COL24A1: variants seen among roughly 807,000 people sequenced by gnomAD.
The protein encoded by COL24A1 is collagen type XXIV alpha 1 chain.
In COL24A1, 224 loss-of-function variants were observed where a neutral mutation model predicts 253.9. The observed-to-expected ratio is 0.88, with a 90% CI of 0.79 to 0.99. The LOEUF is 0.99. COL24A1 is among the 50% of genes least tolerant of loss of function. The pLI is 0.00. For synonymous variants in COL24A1, 685 were observed against 673.7 expected (o/e 1.02, Z -0.26); for missense variants, 2,131 against 2,068.5 (o/e 1.03, Z -0.59).
intron 20 of COL24A1, among the ~76,000 whole-genome samples, chr1:85,985,044 T>C (rs1039870576): frequency 2.0e-5 from 3 of 151,950 alleles, no homozygotes; most frequent in African/African-American, 4.8e-5. Flanking sequence ...TTATGATGTA[T>C]ATAAAATCAA....
At chr1:85,806,146 T>A (rs533783758) in intron 47 of COL24A1, among the ~76,000 whole-genome samples, 178 of 151,644 alleles carry the variant, frequency 1.2e-3, no homozygotes, top group African/African-American at 4.2e-3. Flanking sequence ...ACTAAAATGA[T>A]AAGATACAAA....
At chr1:86,142,379 T>C (rs1377023468) in intron 2 of COL24A1, among the ~76,000 whole-genome samples, 5 of 151,370 alleles carry the variant, frequency 3.3e-5, no homozygotes, top group Non-Finnish European at 4.4e-5. Context: ...AAAAATTAGC[T>C]GGGCGTGGTG....
At chr1:86,134,070 C>T (rs887004670) in intron 2 of COL24A1, among the ~76,000 whole-genome samples, 1 of 151,940 alleles carries the variant, frequency 6.6e-6, no homozygotes, top group Non-Finnish European at 1.5e-5. Flanking sequence ...TTCCTGCTTT[C>T]GTCTTGGGAG....
At chr1:85,885,836 G>C (rs1462070096) in intron 32 of COL24A1, among the ~76,000 whole-genome samples, 1 of 152,078 alleles carries the variant, frequency 6.6e-6, no homozygotes, top group Non-Finnish European at 1.5e-5. Context: ...ATGTCCTTTG[G>C]GCAAGGTTGT....
chr1:86,055,517 T>C lies in COL24A1; in HGVS notation c.1851+2414A>G, dbSNP rs543013695. 3.3e-5 allele frequency among the ~76,000 whole-genome samples: 5 copies of C among 152,324 alleles called. No individual in the cohort carries two copies. In the East Asian group the frequency reaches 9.6e-4, roughly 29 times the overall value. On this transcript the variant is annotated intron_variant, in intron 10 of 59. Transcript: ENST00000370571. ...AATGGTACATGGAAGAACACAGTTA[T>C]ATGGATCACTGAAGCAAGATGACAA...
In COL24A1 at chr1:85,791,186, C is replaced by T. The variant is rs565721315; in HGVS notation, c.3952-4725G>A. On this transcript the variant is annotated intron_variant, in intron 47 of 59. Coordinates refer to ENST00000370571, the MANE Select transcript of COL24A1 (RefSeq NM_152890.7). ...TTTTTTTCTTCTCTCCCTACCAGCA[C>T]GGCCTGTTGGTTCTTGATGAGTCAA... is the stretch of plus-strand genomic sequence containing the variant. 7.8e-4 allele frequency among the ~76,000 whole-genome samples: 119 copies of T among 152,184 alleles called. 1 individual carries two copies. The Middle Eastern group carries it at 0.017, about 22-fold the overall frequency.
At chr1:85,828,888 CTG>C (rs1674774279) in intron 43 of COL24A1, among the ~76,000 whole-genome samples, 1 of 148,576 alleles carries the variant, frequency 6.7e-6, no homozygotes, top group Admixed American at 6.8e-5. Flanking sequence ...ATTTGCCAGT[CTG>C]TGTCTTTTAA....
chr1:85,740,336 T>C (rs903827636), intron 57 of COL24A1, among the ~76,000 whole-genome samples: 5 of 152,212 alleles, frequency 3.3e-5, no homozygotes, highest in African/African-American at 1.2e-4. Context: ...CCTCAACTGA[T>C]AAGCTTCCAA....
At chr1:85,773,296 G>T (rs1453701321) in intron 53 of COL24A1, among the ~76,000 whole-genome samples, 1 of 152,164 alleles carries the variant, frequency 6.6e-6, no homozygotes, top group Non-Finnish European at 1.5e-5. Context: ...TTTGAAGTCA[G>T]GTAGTGTGAT....
In COL24A1 at chr1:86,022,582, C is replaced by T. The variant is rs370749711; in HGVS notation, c.2158G>A (p.Gly720Ser). ...GGTTCTCCTAGCTCTCCTGCTGTGC[C>T]TTGTTCACCCTGGAAAGCACAATTT... ...PGIKGDKGEQ[G>S]TAGELGEPGY... The change falls in exon 17 of 60, where the codon GGC (glycine) becomes AGC (serine). Residue 720 changes from glycine (G) to serine (S), a missense_variant. By Grantham distance (56) the Gly-to-Ser change is moderately conservative. Coordinates refer to ENST00000370571, the MANE Select transcript of COL24A1 (RefSeq NM_152890.7). 6.2e-7 allele frequency: 1 copy of T among 1,612,890 alleles called. No individual in the cohort carries two copies. The highest frequency in any genetic ancestry group is 1.3e-5 in the African/African-American group (1 of 75,002).
chr1:85,814,769 T>C (rs193190057), intron 47 of COL24A1, among the ~76,000 whole-genome samples: 2 of 151,024 alleles, frequency 1.3e-5, no homozygotes, highest in Admixed American at 6.6e-5. Flanking sequence ...AACCAGTAAA[T>C]GACTTGAGTA....
At chr1:85,978,246 G>A (rs1692892716) in intron 20 of COL24A1, among the ~76,000 whole-genome samples, 1 of 151,990 alleles carries the variant, frequency 6.6e-6, no homozygotes, top group African/African-American at 2.4e-5. Flanking sequence ...CTTGAAACAA[G>A]CCTTAAAATA....
intron 19 of COL24A1, among the ~76,000 whole-genome samples, chr1:85,998,931 A>G (rs1380719235): frequency 6.6e-6 from 1 of 152,222 alleles, no homozygotes; most frequent in African/African-American, 2.4e-5. Flanking sequence ...GTAATAAACT[A>G]TCTTTTGTCA....
chr1:86,090,008 A>G (rs1446563547), intron 6 of COL24A1, among the ~76,000 whole-genome samples: 3 of 152,092 alleles, frequency 2.0e-5, no homozygotes, highest in Non-Finnish European at 4.4e-5. Flanking sequence ...CACAGGAGGC[A>G]CTTCCGCTTC....
chr1:86,017,188 G>C lies in COL24A1; in HGVS notation c.2273C>G (p.Pro758Arg), dbSNP rs765569480. ...AGGGCCAGATGGTCCTTGGAGTCCT[G>C]GGTCACCTGTTTGGCCCTAAAATGG... ...KSGPSGQTGD[P>R]GLQGPSGPPG... Residue 758 changes from proline to arginine, a missense_variant, in exon 19 of 60, where the codon CCA becomes CGA. Physicochemically the swap from Pro to Arg is moderately radical, Grantham distance 103. Coordinates refer to ENST00000370571, the MANE Select transcript of COL24A1 (RefSeq NM_152890.7). 1.3e-6 allele frequency: 2 copies of C among 1,572,696 alleles called. No individual in the cohort carries two copies. The highest frequency in any genetic ancestry group is 4.1e-5 in the Admixed American group (2 of 48,994).
rs1669003705 is a variant in COL24A1, at chr1:85,780,156, C to G, written c.4338+1064G>C. ...CCGAGTGGCAAATGTTGAAAGTCTACAGAAATACTGAGTTATACATTTTAC... is the reference window on the plus strand; with the variant it reads ...CCGAGTGGCAAATGTTGAAAGTCTAGAGAAATACTGAGTTATACATTTTAC... On this transcript the variant is annotated intron_variant, in intron 52 of 59. Transcript: ENST00000370571. Among the ~76,000 whole-genome samples the G allele has an allele frequency of 2.0e-5, 3 of 152,090 alleles. No homozygotes were observed. The South Asian group carries it at 6.2e-4, about 31-fold the overall frequency.
chr1:86,083,031 C>G (rs1026470725), intron 7 of COL24A1, among the ~76,000 whole-genome samples: 9 of 152,030 alleles, frequency 5.9e-5, no homozygotes, highest in Non-Finnish European at 1.5e-5. Context: ...GGCACGGTGG[C>G]TCACGCCTGT....
chr1:86,112,787 C>A (rs1341658116), intron 4 of COL24A1, among the ~76,000 whole-genome samples, 167 bp from the exon 5 acceptor site: 1 of 152,104 alleles, frequency 6.6e-6, no homozygotes, highest in Non-Finnish European at 1.5e-5. Flanking sequence ...TGCCCTATAC[C>A]TACCCAAATT....
At chr1:85,849,752 C>T (rs749087652) in intron 37 of COL24A1, among the ~76,000 whole-genome samples, 3 of 152,284 alleles carry the variant, frequency 2.0e-5, no homozygotes, top group Admixed American at 1.3e-4. Context: ...CTGTAAAACA[C>T]GTTTAACTAA....
Sources: gnomAD v4.1 joint callset for allele counts (sites outside exome capture counted in the v4.1 genomes callset) on GRCh38, gnomAD v4.1.1 for gene constraint, MANE v1.5 for transcripts, NCBI Gene and HGNC (gene_info 2026-07-23, HGNC 2026-07-21) for gene names.